The following ACSS1 variants were observed in gnomAD, a reference collection of about 807,000 sequenced individuals.
ACSS1 encodes acetyl-coenzyme A synthetase 2-like, mitochondrial.
ACSS1 carries 42 observed loss-of-function variants against 75.3 expected under a neutral mutation model. That is an observed-to-expected ratio of 0.56 (90% CI 0.44 to 0.72). The LOEUF (loss-of-function observed/expected upper bound fraction) is 0.72. Among genes scored for constraint, ACSS1 ranks in the 30% least tolerant of loss-of-function variants. ACSS1 has a pLI of 0.00. For synonymous variants in ACSS1, 380 were observed against 376.8 expected, an observed-to-expected ratio of 1.01 and a Z score of -0.10; for missense variants, 782 against 935.7, an observed-to-expected ratio of 0.84 and a Z score of 2.14.
At position 25,007,164 on chromosome 20, in the gene ACSS1, T is replaced by C; in HGVS notation, c.*598A>G. 7.6e-7 allele frequency: 1 copy of C among 1,307,730 alleles called. No homozygotes were observed. The highest frequency in any genetic ancestry group is 9.7e-7 in the Non-Finnish European group (1 of 1,027,012). The allele number at this position is 1,307,730 out of a possible 1,614,324, so 81.0% of individuals were successfully genotyped here. Reference sequence around the variant, plus strand: ...AGACAGAGGTACAAACATCTCCAATTCAGACTTCCAAATACACTAACAATA... The same window carrying C: ...AGACAGAGGTACAAACATCTCCAATCCAGACTTCCAAATACACTAACAATA... On this transcript the variant is annotated 3_prime_UTR_variant, in exon 14 of 14. Coordinates refer to ENST00000323482, the MANE Select transcript of ACSS1 (RefSeq NM_032501.4).
At chr20:25,046,891 TGCTGTATAG>T (rs1211601023) in intron 2 of ACSS1, 1 of 779,622 alleles carries the variant, frequency 1.3e-6, no homozygotes, top group Non-Finnish European at 2.4e-6. Flanking sequence ...AAGAAATGCG[TGCTGTATAG>T]GCTGTGAGTC....
chr20:25,042,443 G>A (rs1368071109), intron 2 of ACSS1, among the ~76,000 whole-genome samples: 3 of 152,096 alleles, frequency 2.0e-5, no homozygotes, highest in Admixed American at 2.0e-4. Context: ...GGGACTCCAC[G>A]CCTCACCCCA....
intron 3 of ACSS1, among the ~76,000 whole-genome samples, chr20:25,027,382 A>G (rs1221398842): frequency 6.6e-6 from 1 of 152,226 alleles, no homozygotes; most frequent in Non-Finnish European, 1.5e-5. Flanking sequence ...CAATGATACA[A>G]AACTCTTCCA....
chr20:25,051,610 G>A (rs79474622), intron 1 of ACSS1, among the ~76,000 whole-genome samples: 7 of 152,304 alleles, frequency 4.6e-5, no homozygotes, highest in African/African-American at 1.7e-4. Context: ...CCTGGGACCC[G>A]ACTCTGACGA....
At chr20:25,054,395 T>C (rs183896527) in intron 1 of ACSS1, among the ~76,000 whole-genome samples, 133 of 152,372 alleles carry the variant, frequency 8.7e-4, no homozygotes, top group African/African-American at 2.8e-3. Flanking sequence ...GGATGTATAA[T>C]GTGTTAAGAA....
chr20:25,023,959 C>T, intron 3 of ACSS1, among the ~76,000 whole-genome samples: 1 of 152,200 alleles, frequency 6.6e-6, no homozygotes, highest in East Asian at 1.9e-4. Flanking sequence ...CTCCTGTCTG[C>T]CCAGGAGCAA....
At position 25,012,946 on chromosome 20, in the gene ACSS1, C is replaced by T. The variant is rs1442738238; in HGVS notation, c.1580-7G>A. On this transcript the variant is annotated splice_polypyrimidine_tract_variant and splice_region_variant and intron_variant, in intron 10 of 13. Transcript: ENST00000323482. ...TCTCCAGTGAAGTAATAGCCTGCAC[C>T]ACAGCAGGGAAATTCAGCACCAGGA... 7.4e-6 allele frequency: 12 copies of T among 1,614,010 alleles called. No homozygotes were observed. The highest frequency in any genetic ancestry group is 9.3e-6 in the Non-Finnish European group (11 of 1,180,016).
intron 3 of ACSS1, among the ~76,000 whole-genome samples, chr20:25,024,026 C>T (rs965911806): frequency 6.6e-6 from 1 of 152,158 alleles, no homozygotes; most frequent in African/African-American, 2.4e-5. Flanking sequence ...AGAGAAATAC[C>T]GAGAGGCAGA....
intron 8 of ACSS1, among the ~76,000 whole-genome samples, chr20:25,014,822 C>T (rs773103083): frequency 6.6e-6 from 1 of 152,220 alleles, no homozygotes; most frequent in Admixed American, 6.5e-5. Flanking sequence ...GCTCCTGCTG[C>T]ACACCAGGCC....
chr20:25,016,837 T>A (rs1012866200), intron 7 of ACSS1, among the ~76,000 whole-genome samples: 2 of 152,184 alleles, frequency 1.3e-5, no homozygotes, highest in Non-Finnish European at 2.9e-5. Context: ...CATTACAGCA[T>A]CATAGCACGG....
intron 1 of ACSS1, among the ~76,000 whole-genome samples, chr20:25,049,898 T>C (rs1468962083): frequency 1.3e-5 from 2 of 152,014 alleles, no homozygotes; most frequent in Non-Finnish European, 2.9e-5. Flanking sequence ...AGAACTGCTC[T>C]ATGCAACAAG....
chr20:25,013,009 G>A (rs563975108), intron 10 of ACSS1, 70 bp from the exon 11 acceptor site: 1,042 of 1,605,596 alleles, frequency 6.5e-4, no homozygotes, highest in Admixed American at 7.2e-4. Context: ...CTCAGTAAGC[G>A]TGAAGCTCTG....
chr20:25,006,973 G>A lies in ACSS1; in HGVS notation c.*789C>T, dbSNP rs1186267260. On this transcript the variant is annotated 3_prime_UTR_variant, in exon 14 of 14. Transcript: ENST00000323482. ...ATCTGGGGGCACAAAAATCTTTCTGGATCACAGCTTGAAGAAACAGAACAT... is the reference window on the plus strand; with the variant it reads ...ATCTGGGGGCACAAAAATCTTTCTGAATCACAGCTTGAAGAAACAGAACAT... 9 of 1,534,880 alleles carry A rather than the reference G, an allele frequency of 5.9e-6. No homozygotes were observed. The highest frequency in any genetic ancestry group is 7.0e-6 in the Non-Finnish European group (8 of 1,146,510).
intron 7 of ACSS1, among the ~76,000 whole-genome samples, chr20:25,019,282 C>T (rs184126872): frequency 6.6e-6 from 1 of 152,218 alleles, no homozygotes; most frequent in African/African-American, 2.4e-5. Flanking sequence ...AGCACCAGCC[C>T]GAAAGACAGA....
chr20:25,035,432 G>T (rs1359437499), intron 2 of ACSS1, among the ~76,000 whole-genome samples: 1 of 150,290 alleles, frequency 6.7e-6, no homozygotes, highest in Non-Finnish European at 1.5e-5. Context: ...TTGAGATAGA[G>T]TCTCACTCTG....
At chr20:25,055,231 ATTG>A (rs1277962722) in intron 1 of ACSS1, among the ~76,000 whole-genome samples, 1 of 152,248 alleles carries the variant, frequency 6.6e-6, no homozygotes, top group Non-Finnish European at 1.5e-5. Flanking sequence ...GGAATATAAA[ATTG>A]TTGTTATCTT....
intron 2 of ACSS1, among the ~76,000 whole-genome samples, chr20:25,037,385 GTGC>G: frequency 6.6e-6 from 1 of 152,172 alleles, no homozygotes; most frequent in East Asian, 1.9e-4. Context: ...GCATGAAGAT[GTGC>G]TGCTGCTCTG....
rs2088324517 is a variant in ACSS1, at chr20:25,007,259, A to G, written c.*503T>C. 2.6e-6 allele frequency: 3 copies of G among 1,135,352 alleles called. No individual in the cohort carries two copies. The highest frequency in any genetic ancestry group is 3.2e-6 in the Non-Finnish European group (3 of 923,546). 70.3% of individuals were successfully genotyped at this position (1,135,352 alleles called of 1,614,324 possible). A position where few individuals can be genotyped will look rare whatever the true frequency, so the allele number is the denominator to read the frequency against. On this transcript the variant is annotated 3_prime_UTR_variant, in exon 14 of 14. Transcript: ENST00000323482. ...GGCAAAAAAGGAGATTTTCATAACT[A>G]CATGTTAAAAAGAACATGTTCAAGT...
intron 2 of ACSS1, among the ~76,000 whole-genome samples, chr20:25,045,762 A>G (rs570448105): frequency 6.6e-6 from 1 of 152,346 alleles, no homozygotes; most frequent in Admixed American, 6.5e-5. Context: ...AAAACCTCAC[A>G]TCAGAAACCT....
Sources: allele counts gnomAD v4.1 joint callset (sites outside exome capture counted in the v4.1 genomes callset), GRCh38; gene constraint gnomAD v4.1.1; transcripts MANE v1.5; gene names NCBI Gene and HGNC (gene_info 2026-07-23, HGNC 2026-07-21).